CNTN3: variants seen among roughly 807,000 people sequenced by gnomAD.
CNTN3 encodes the protein contactin-3.
CNTN3 carries 60 observed loss-of-function variants against 119.1 expected under a neutral mutation model. That is an observed-to-expected ratio of 0.50 (90% CI 0.41 to 0.62). The LOEUF (loss-of-function observed/expected upper bound fraction) is 0.62, where lower values mean the gene tolerates loss of function less well. Among genes scored for constraint, CNTN3 ranks in the 20% least tolerant of loss-of-function variants. CNTN3 has a pLI of 0.00. For missense variants in CNTN3, 1,101 were observed against 1,242.4 expected, an observed-to-expected ratio of 0.89 and a Z score of 1.71; for synonymous variants, 450 against 438.7, an observed-to-expected ratio of 1.03 and a Z score of -0.32.
chr3:74,511,190 T>A (rs2107103890), intron 2 of CNTN3, among the ~76,000 whole-genome samples: 1 of 152,178 alleles, frequency 6.6e-6, no homozygotes, highest in South Asian at 2.1e-4. Flanking sequence ...AATTTCACCT[T>A]CTTACAAACA....
chr3:74,546,980 A>T (rs1208874722), intron 1 of CNTN3, among the ~76,000 whole-genome samples: 1 of 152,092 alleles, frequency 6.6e-6, no homozygotes, highest in Non-Finnish European at 1.5e-5. Context: ...TTTTTATTTT[A>T]TGACTTATGT....
intron 1 of CNTN3, among the ~76,000 whole-genome samples, chr3:74,557,476 C>A (rs1162103919): frequency 1.3e-5 from 2 of 152,106 alleles, no homozygotes; most frequent in African/African-American, 4.8e-5. Context: ...GAGTCAATGA[C>A]TAGTATATAG....
chr3:74,425,245 C>A (rs1701677836), intron 4 of CNTN3, among the ~76,000 whole-genome samples: 1 of 152,082 alleles, frequency 6.6e-6, no homozygotes, highest in Non-Finnish European at 1.5e-5. Context: ...TCCCTTCCTC[C>A]CCACTGTAGT....
intron 1 of CNTN3, among the ~76,000 whole-genome samples, chr3:74,611,286 A>G (rs1164633925): frequency 6.6e-6 from 1 of 152,238 alleles, no homozygotes; most frequent in East Asian, 1.9e-4. Context: ...TCCAAGTAGC[A>G]AAGCTGTTTG....
intron 6 of CNTN3, 93 bp from the exon 7 acceptor site, chr3:74,370,084 G>A (rs2106789603): frequency 1.5e-6 from 1 of 677,788 alleles, no homozygotes; most frequent in South Asian, 2.0e-5. Context: ...CTCCCATTTT[G>A]AACCAGCTCT....
At chr3:74,474,715 A>C (rs944711769) in intron 4 of CNTN3, among the ~76,000 whole-genome samples, 15 of 152,158 alleles carry the variant, frequency 9.9e-5, no homozygotes, top group Non-Finnish European at 1.8e-4. Context: ...TCCTTCCCCA[A>C]ATCTCATATT....
intron 11 of CNTN3, among the ~76,000 whole-genome samples, chr3:74,346,143 GAAATA>G (rs1213451548): frequency 6.6e-6 from 1 of 151,788 alleles, no homozygotes; most frequent in East Asian, 1.9e-4. Context: ...GAGTAACAAA[GAAATA>G]AATACAATAA....
chr3:74,415,675 C>T, intron 5 of CNTN3, among the ~76,000 whole-genome samples: 1 of 152,074 alleles, frequency 6.6e-6, no homozygotes, highest in Non-Finnish European at 1.5e-5. Flanking sequence ...TCATAGAACC[C>T]AAGGGCTAGA....
Position 74,394,867 on chromosome 3 carries a change from A to C in CNTN3, c.455-23468T>G, listed in dbSNP as rs369291458. Among the ~76,000 whole-genome samples, 17 of 152,240 alleles carry C rather than the reference A, an allele frequency of 1.1e-4. 2 individuals carry two copies. The highest frequency in any genetic ancestry group is 3.8e-4 in the African/African-American group (16 of 41,568). ...TTATTATGCTGTGAAGATAAGTAAAATGATGTGCGTGGAAGTGCTCTGAAT... is the reference window on the plus strand; with the variant it reads ...TTATTATGCTGTGAAGATAAGTAAACTGATGTGCGTGGAAGTGCTCTGAAT... On this transcript the variant is annotated intron_variant, in intron 5 of 22. Coordinates refer to ENST00000263665, the MANE Select transcript of CNTN3 (RefSeq NM_020872.3).
intron 4 of CNTN3, among the ~76,000 whole-genome samples, chr3:74,470,870 T>G (rs932303412): frequency 3.3e-5 from 5 of 150,638 alleles, no homozygotes; most frequent in African/African-American, 7.3e-5. Context: ...TATTCGGTTT[T>G]TTGTTGTTGT....
intron 11 of CNTN3, among the ~76,000 whole-genome samples, chr3:74,339,892 C>CAGATAGAT (rs55925924): frequency 4.3e-4 from 65 of 149,872 alleles, no homozygotes; most frequent in East Asian, 1.4e-3. Context: ...TAATTGGATA[C>CAGATAGAT]AGATAGATAG....
intron 1 of CNTN3, among the ~76,000 whole-genome samples, chr3:74,596,472 C>T (rs1195891519): frequency 6.6e-6 from 1 of 152,120 alleles, no homozygotes; most frequent in Non-Finnish European, 1.5e-5. Flanking sequence ...CAGCATGGTA[C>T]TGGTACCAAA....
At chr3:74,459,839 C>T (rs1015547902) in intron 4 of CNTN3, among the ~76,000 whole-genome samples, 1 of 151,974 alleles carries the variant, frequency 6.6e-6, no homozygotes, top group African/African-American at 2.4e-5. Flanking sequence ...TTTTCTGGAG[C>T]ACTTCAAAAC....
At chr3:74,300,591 C>T (rs377604370) in intron 16 of CNTN3, among the ~76,000 whole-genome samples, 3 of 152,298 alleles carry the variant, frequency 2.0e-5, no homozygotes, top group African/African-American at 7.2e-5. Flanking sequence ...AGGGCAAGCA[C>T]AGTTCCTCTA....
At chr3:74,438,253 G>A (rs1378783769) in intron 4 of CNTN3, among the ~76,000 whole-genome samples, 1 of 152,084 alleles carries the variant, frequency 6.6e-6, no homozygotes, top group African/African-American at 2.4e-5. Flanking sequence ...AGACTTCAGT[G>A]GTAATATCCA....
At chr3:74,583,894 T>C (rs1316194363) in intron 1 of CNTN3, among the ~76,000 whole-genome samples, 1 of 152,200 alleles carries the variant, frequency 6.6e-6, no homozygotes, top group African/African-American at 2.4e-5. Flanking sequence ...AGGCTTTATA[T>C]ATAGACAGAC....
At chr3:74,610,398 T>C (rs1705061775) in intron 1 of CNTN3, among the ~76,000 whole-genome samples, 1 of 150,954 alleles carries the variant, frequency 6.6e-6, no homozygotes, top group South Asian at 2.1e-4. Flanking sequence ...TGTTTAGGCG[T>C]TAGGGCTGGA....
chr3:74,339,355 C>T (rs1023863453), intron 11 of CNTN3, among the ~76,000 whole-genome samples: 2 of 152,078 alleles, frequency 1.3e-5, no homozygotes, highest in African/African-American at 2.4e-5. Context: ...CTTTTCCTTG[C>T]TTGCTTTTCT....
At chr3:74,360,055 T>A (rs543156264) in intron 11 of CNTN3, among the ~76,000 whole-genome samples, 2 of 152,320 alleles carry the variant, frequency 1.3e-5, no homozygotes, top group South Asian at 4.1e-4. Context: ...CACAATTTTA[T>A]CTTGTCATCC....
Sources: allele counts gnomAD v4.1 joint callset (sites outside exome capture counted in the v4.1 genomes callset), GRCh38; gene constraint gnomAD v4.1.1; transcripts MANE v1.5; gene names NCBI Gene and HGNC (gene_info 2026-07-23, HGNC 2026-07-21).